Variants in ANKS1B observed in about 807,000 individuals in gnomAD.
The protein encoded by ANKS1B is ankyrin repeat and sterile alpha motif domain containing 1B.
ANKS1B carries 36 observed loss-of-function variants against 148.3 expected under a neutral mutation model. The ratio of observed to expected loss-of-function variants is 0.24; its 90% CI spans 0.19 to 0.32. The LOEUF is 0.32. Ranked by LOEUF, ANKS1B falls within the 10% of genes least tolerant of loss-of-function variation. The pLI is 1.00. For missense variants in ANKS1B, 1,157 were observed against 1,542.6 expected, an observed-to-expected ratio of 0.75 and a Z score of 4.19; for synonymous variants, 542 against 560.8, an observed-to-expected ratio of 0.97 and a Z score of 0.47.
intron 8 of ANKS1B, among the ~76,000 whole-genome samples, chr12:99,738,735 G>C (rs2059831265): frequency 6.6e-6 from 1 of 152,114 alleles, no homozygotes; most frequent in Admixed American, 6.6e-5. Flanking sequence ...CTTTATTGAA[G>C]GAAGGATTGG....
chr12:99,759,333 C>T (rs369811838), intron 8 of ANKS1B, among the ~76,000 whole-genome samples: 18 of 151,852 alleles, frequency 1.2e-4, no homozygotes, highest in South Asian at 1.0e-3. Context: ...CTTTTACTTA[C>T]GATTATTGAT....
chr12:98,857,083 G>C (rs538758747), intron 17 of ANKS1B, among the ~76,000 whole-genome samples: 7 of 152,282 alleles, frequency 4.6e-5, no homozygotes, highest in African/African-American at 1.7e-4. Context: ...TGAGTTCTTA[G>C]TCACAGGGGA....
intron 10 of ANKS1B, among the ~76,000 whole-genome samples, chr12:99,464,841 G>A (rs1018206427): frequency 1.3e-5 from 2 of 152,206 alleles, no homozygotes; most frequent in Non-Finnish European, 2.9e-5. Context: ...GTGACGGGGA[G>A]AATGGAACCA....
At chr12:98,885,275 A>C (rs2099736921) in intron 17 of ANKS1B, among the ~76,000 whole-genome samples, 1 of 152,202 alleles carries the variant, frequency 6.6e-6, no homozygotes. Context: ...GAACATTAAC[A>C]ACTATAATAA....
intron 19 of ANKS1B, among the ~76,000 whole-genome samples, chr12:98,818,005 A>G (rs1233089835): frequency 6.6e-6 from 1 of 152,184 alleles, no homozygotes; most frequent in Non-Finnish European, 1.5e-5. Context: ...CAAGAGTGGG[A>G]GGAAGTAAAC....
At chr12:99,111,335 G>C (rs1264987539) in intron 15 of ANKS1B, among the ~76,000 whole-genome samples, 3 of 152,036 alleles carry the variant, frequency 2.0e-5, no homozygotes, top group Non-Finnish European at 2.9e-5. Flanking sequence ...TCACTATTTG[G>C]CTTATATAAT....
intron 15 of ANKS1B, among the ~76,000 whole-genome samples, chr12:99,100,201 A>C (rs2057520247): frequency 6.6e-6 from 1 of 152,226 alleles, no homozygotes; most frequent in Admixed American, 6.5e-5. Context: ...AACAAGGATG[A>C]TGCTTCACTA....
chr12:99,803,282 C>CT (rs71782076), intron 4 of ANKS1B, among the ~76,000 whole-genome samples: 1 of 136,530 alleles, frequency 7.3e-6, no homozygotes, highest in African/African-American at 2.7e-5. Flanking sequence ...TTCACCCCCC[C>CT]CCAAAAAAAA....
At chr12:99,748,395 CTTG>C (rs2060800529) in intron 8 of ANKS1B, among the ~76,000 whole-genome samples, 2 of 150,726 alleles carry the variant, frequency 1.3e-5, no homozygotes, top group African/African-American at 2.4e-5. Context: ...CTAAAATTGG[CTTG>C]AGAACTATCT....
chr12:98,748,058 T>A (rs1006286328), intron 26 of ANKS1B, among the ~76,000 whole-genome samples: 1 of 152,314 alleles, frequency 6.6e-6, no homozygotes, highest in African/African-American at 2.4e-5. Context: ...TGACTGTAGT[T>A]AACAACAATT....
At chr12:99,442,325 T>C (rs565294839) in intron 11 of ANKS1B, among the ~76,000 whole-genome samples, 1 of 151,956 alleles carries the variant, frequency 6.6e-6, no homozygotes, top group South Asian at 2.1e-4. Context: ...CCACTGTGCC[T>C]GGCAGAAGAC....
chr12:99,718,038 G>A (rs1432067204), intron 8 of ANKS1B, among the ~76,000 whole-genome samples: 1 of 151,042 alleles, frequency 6.6e-6, no homozygotes, highest in Admixed American at 6.6e-5. Context: ...CGAGTAGCTG[G>A]GACTACAGGC....
intron 17 of ANKS1B, among the ~76,000 whole-genome samples, chr12:98,947,778 C>T (rs2099847656): frequency 6.6e-6 from 1 of 152,114 alleles, no homozygotes; most frequent in Non-Finnish European, 1.5e-5. Context: ...TGCCCTTTAT[C>T]CTTGTTGTGA....
intron 9 of ANKS1B, among the ~76,000 whole-genome samples, chr12:99,536,565 A>G (rs1177538766): frequency 6.6e-6 from 1 of 152,200 alleles, no homozygotes; most frequent in Non-Finnish European, 1.5e-5. Flanking sequence ...AAAAAAAGCT[A>G]GAAAAGTTGT....
At chr12:99,346,585 G>A (rs530561097) in intron 12 of ANKS1B, among the ~76,000 whole-genome samples, 2 of 151,856 alleles carry the variant, frequency 1.3e-5, no homozygotes, top group Non-Finnish European at 2.9e-5. Context: ...GACTCCAATA[G>A]CCTTACTCTC....
intron 17 of ANKS1B, among the ~76,000 whole-genome samples, chr12:98,879,934 A>C (rs1449385633): frequency 6.6e-6 from 1 of 152,218 alleles, no homozygotes; most frequent in Non-Finnish European, 1.5e-5. Context: ...GATTTCCATG[A>C]CACTTGAATA....
intron 17 of ANKS1B, among the ~76,000 whole-genome samples, chr12:98,992,319 T>C (rs1488959550): frequency 6.6e-6 from 1 of 152,144 alleles, no homozygotes; most frequent in Admixed American, 6.5e-5. Context: ...CCCTCTGATA[T>C]GGTTTGGCTC....
At chr12:99,122,982 TA>T (rs1260863671) in intron 15 of ANKS1B, among the ~76,000 whole-genome samples, 1 of 69,000 alleles carries the variant, frequency 1.4e-5, no homozygotes, top group Admixed American at 1.5e-4. Flanking sequence ...AATAAATCAG[TA>T]AAATTAAAAA....
At position 99,641,509 on chromosome 12, in the gene ANKS1B, T is replaced by C. The variant is rs943907530; in HGVS notation, c.1272+13558A>G. Among the ~76,000 whole-genome samples, 8 of 152,208 alleles carry C rather than the reference T, an allele frequency of 5.3e-5. 1 individual carries two copies. The East Asian group carries it at 1.5e-3, about 29-fold the overall frequency. On this transcript the variant is annotated intron_variant, in intron 9 of 26. Transcript: ENST00000683438. The stretch of plus-strand genomic sequence containing the variant: ...ATTGCTTACTGCTCTATGCCACACA[T>C]ATAACAAATGGTCAATAAACATCTG...
Sources: gnomAD v4.1 joint callset for allele counts (sites outside exome capture counted in the v4.1 genomes callset) on GRCh38, gnomAD v4.1.1 for gene constraint, MANE v1.5 for transcripts, NCBI Gene and HGNC (gene_info 2026-07-23, HGNC 2026-07-21) for gene names.